Variants in ORC5 observed in about 807,000 individuals in gnomAD.
ORC5 encodes the protein protein phosphatase 1, regulatory subunit 117.
In ORC5, 39 loss-of-function variants were observed where a neutral mutation model predicts 58.8. The observed-to-expected ratio is 0.66, with a 90% CI of 0.51 to 0.87. The LOEUF (loss-of-function observed/expected upper bound fraction) is 0.87, where lower values mean the gene tolerates loss of function less well. Among genes scored for constraint, ORC5 ranks in the 40% least tolerant of loss-of-function variants. The pLI is 0.00. For synonymous variants in ORC5, 218 were observed against 177.6 expected, an observed-to-expected ratio of 1.23 and a Z score of -1.81; for missense variants, 493 against 506.3, an observed-to-expected ratio of 0.97 and a Z score of 0.25.
chr7:104,162,847 T>C (rs1029237789), intron 11 of ORC5, among the ~76,000 whole-genome samples: 1 of 152,192 alleles, frequency 6.6e-6, no homozygotes, highest in African/African-American at 2.4e-5. Context: ...TTCCACTATC[T>C]AGAATTTGAT....
chr7:104,171,299 C>T (rs1316116612), intron 8 of ORC5, among the ~76,000 whole-genome samples: 6 of 152,148 alleles, frequency 3.9e-5, no homozygotes. Flanking sequence ...CTTTACATGG[C>T]TTTTCCATGT....
At position 104,166,875 on chromosome 7, in the gene ORC5, G is replaced by A. The variant is rs200517251; in HGVS notation, c.887C>T (p.Ala296Val). The A allele has an allele frequency of 9.4e-6, 15 of 1,587,456 alleles. No homozygotes were observed. In the East Asian group the frequency reaches 1.3e-4, roughly 14 times the overall value. ...TDPGQLKGLS[A>V]HTHVELPYYS... ...ATATGGAAGTTCCACATGAGTATGC[G>A]CTGAGAGGCCTATATAACAAAACAC... The change falls in exon 10 of 14, where the codon GCG (alanine) becomes GTG (valine). Residue 296 changes from alanine (A) to valine (V), a missense_variant. Around this residue, in one of 3 missense-constraint regions of ORC5, gnomAD observed 412 missense variants for 403.7 expected, o/e 1.02. Transcript: ENST00000297431.
rs1281488019 is a variant in ORC5, at chr7:104,138,641, G to T, written c.1150-1748C>A. Among the ~76,000 whole-genome samples, 1 of 152,002 alleles carries T rather than the reference G, an allele frequency of 6.6e-6. No individual in the cohort carries two copies. Among genetic ancestry groups the T allele is most frequent in the African/African-American group, 2.4e-5 (1 of 41,370 alleles). On this transcript the variant is annotated intron_variant, in intron 12 of 13. Coordinates refer to ENST00000297431, the MANE Select transcript of ORC5 (RefSeq NM_002553.4). The surrounding 1 kb of genome is among the most constrained non-coding windows in gnomAD (Gnocchi z 4.7). The stretch of plus-strand genomic sequence containing the variant: ...TCCTCCCACAGCAGCCTCCTGAGTA[G>T]CTGGTACTATAGGCACATGCCACCA...
rs4729962 is a variant in ORC5 at position 104,138,023 on chromosome 7, C to T, written c.1150-1130G>A. Among the ~76,000 whole-genome samples, 13,991 of 152,234 alleles carry T rather than the reference C, an allele frequency of 0.092. 1,659 individuals are homozygous for T. Among genetic ancestry groups the T allele is most frequent in the East Asian group, 0.47 (2,396 of 5,150 alleles). On this transcript the variant is annotated intron_variant, in intron 12 of 13. Coordinates refer to ENST00000297431, the MANE Select transcript of ORC5 (RefSeq NM_002553.4). This position sits in a 1 kb window ranked among gnomAD's most constrained non-coding sequence, Gnocchi z 4.7. ...GGCTTCAGGAGCTGTAAGCATTCAT[C>T]CCTAGATGCGGCCGTGAGATTGGAG...
intron 8 of ORC5, among the ~76,000 whole-genome samples, chr7:104,175,770 AAAACCACCCTGCTAAAAC>A (rs1287597533): frequency 1.1e-4 from 16 of 152,120 alleles, no homozygotes; most frequent in African/African-American, 3.6e-4. Flanking sequence ...AAACGCTTCC[AAAACCACCCTGCTAAAAC>A]GCTTCCTCAT....
At chr7:104,179,331 A>C (rs561615073) in intron 8 of ORC5, among the ~76,000 whole-genome samples, 1 of 152,218 alleles carries the variant, frequency 6.6e-6, no homozygotes, top group Non-Finnish European at 1.5e-5. Flanking sequence ...ATAAGAAAAT[A>C]ACTAAAGATC....
intron 8 of ORC5, among the ~76,000 whole-genome samples, chr7:104,169,007 G>A (rs1448613812): frequency 1.3e-5 from 2 of 152,168 alleles, no homozygotes; most frequent in Non-Finnish European, 2.9e-5. Context: ...ACTTGAACCT[G>A]GGAGGTGGAC....
chr7:104,189,421 C>T (rs1005391713), intron 5 of ORC5, among the ~76,000 whole-genome samples: 2 of 152,032 alleles, frequency 1.3e-5, no homozygotes, highest in African/African-American at 2.4e-5. Flanking sequence ...TACCTTCCAA[C>T]AGGTCCCTCC....
chr7:104,132,926 T>A (rs1242911744), intron 13 of ORC5, among the ~76,000 whole-genome samples: 1 of 152,064 alleles, frequency 6.6e-6, no homozygotes, highest in Non-Finnish European at 1.5e-5. Flanking sequence ...TATGTAGCAG[T>A]TAGCTAGGTG....
At chr7:104,145,694 G>A (rs1798743003) in intron 12 of ORC5, among the ~76,000 whole-genome samples, 1 of 151,992 alleles carries the variant, frequency 6.6e-6, no homozygotes, top group Admixed American at 6.6e-5. Flanking sequence ...AATATAAGAG[G>A]CGACCAAAAG....
chr7:104,140,487 A>G (rs1200025044), intron 12 of ORC5, among the ~76,000 whole-genome samples: 1 of 151,916 alleles, frequency 6.6e-6, no homozygotes, highest in African/African-American at 2.4e-5. Context: ...GTCCTCCTTT[A>G]TTTCCAACTT....
At chr7:104,198,866 C>T (rs1230639734) in intron 3 of ORC5, among the ~76,000 whole-genome samples, 1 of 152,220 alleles carries the variant, frequency 6.6e-6, no homozygotes, top group Non-Finnish European at 1.5e-5. Context: ...GGGCCAGGGC[C>T]TTGCTGCTTT....
intron 12 of ORC5, among the ~76,000 whole-genome samples, chr7:104,147,032 T>C (rs938409046): frequency 1.4e-4 from 21 of 152,134 alleles, no homozygotes; most frequent in African/African-American, 4.6e-4. Context: ...ACTCAAAATA[T>C]AGAGGGCTTT....
In ORC5 at chr7:104,184,154, A is replaced by G; in HGVS notation, c.702T>C (p.Pro234=). ...ELRHLAVLNF[P]KYCEPVVKGE... ...CTTTAACCACGGGTTCACAATATTT[A>G]GGAAAATTAAGTACTGCCTGTAAGT... The change falls in exon 7 of 14, where the codon CCT becomes CCC. Residue 234 remains proline (P), a synonymous_variant. Coordinates refer to ENST00000297431, the MANE Select transcript of ORC5 (RefSeq NM_002553.4). 6.4e-7 allele frequency: 1 copy of G among 1,573,746 alleles called. No homozygotes were observed. Among genetic ancestry groups the G allele is most frequent in the South Asian group, 1.2e-5 (1 of 86,534 alleles).
At position 104,134,624 on chromosome 7, in the gene ORC5, C is replaced by G. The variant is rs1432177125; in HGVS notation, c.1262+2157G>C. Among the ~76,000 whole-genome samples, 5 of 151,910 alleles carry G rather than the reference C, an allele frequency of 3.3e-5. No homozygotes were observed. The East Asian group carries it at 9.8e-4, about 30-fold the overall frequency. On this transcript the variant is annotated intron_variant, in intron 13 of 13. Transcript: ENST00000297431. The stretch of plus-strand genomic sequence containing the variant: ...GGCAGTAACAGTCTGGAAGTGGCAA[C>G]AAGAAGGATGGCACCGAAATGACCT...
At chr7:104,132,404 T>C (rs967488801) in intron 13 of ORC5, among the ~76,000 whole-genome samples, 8 of 152,128 alleles carry the variant, frequency 5.3e-5, no homozygotes, top group Non-Finnish European at 1.0e-4. Flanking sequence ...GACATTTAGG[T>C]TATATCCTGT....
chr7:104,128,618 C>A (rs968314828), intron 13 of ORC5, among the ~76,000 whole-genome samples: 4 of 150,748 alleles, frequency 2.7e-5, no homozygotes, highest in Non-Finnish European at 4.4e-5. Flanking sequence ...TGGTGTGCTG[C>A]ACCCATTAAC....
At chr7:104,198,227 T>C (rs1799848338) in intron 3 of ORC5, among the ~76,000 whole-genome samples, 1 of 152,160 alleles carries the variant, frequency 6.6e-6, no homozygotes, top group Admixed American at 6.5e-5. Flanking sequence ...TTATAGCAAC[T>C]GAGTAATAGG....
chr7:104,178,506 AG>A (rs1278016838), intron 8 of ORC5, among the ~76,000 whole-genome samples: 1 of 151,978 alleles, frequency 6.6e-6, no homozygotes, highest in Non-Finnish European at 1.5e-5. Context: ...CCCATTCCAT[AG>A]GTTGCTTGTT....
Sources: gnomAD v4.1 joint callset for allele counts (sites outside exome capture counted in the v4.1 genomes callset) on GRCh38, gnomAD v4.1.1 for gene constraint, gnomAD v4.1.1 regional missense constraint, Gnocchi (gnomAD v3.1) non-coding constraint, MANE v1.5 for transcripts, NCBI Gene and HGNC (gene_info 2026-07-23, HGNC 2026-07-21) for gene names.